The following AQR variants were observed in gnomAD, a reference collection of about 807,000 sequenced individuals.
AQR encodes the protein RNA helicase aquarius.
Under a neutral mutation model 180.5 loss-of-function variants are expected in AQR, and 61 were observed. The observed-to-expected ratio is 0.34, with a 90% CI of 0.28 to 0.42. The LOEUF (loss-of-function observed/expected upper bound fraction) is 0.42. AQR is among the 10% of genes least tolerant of loss of function. The pLI is 1.00. For missense variants in AQR, 1,281 were observed against 1,798.3 expected (o/e 0.71, Z 5.20); for synonymous variants, 551 against 588.8 (o/e 0.94, Z 0.93).
chr15:34,938,685 AG>A, intron 9 of AQR, 51 bp downstream of exon 9: 3 of 1,146,870 alleles, frequency 2.6e-6, no homozygotes, highest in Non-Finnish European at 3.9e-6. Context: ...TAAATACCAT[AG>A]GGGCAGCTAT....
intron 16 of AQR, among the ~76,000 whole-genome samples, chr15:34,912,289 T>G (rs549572496): frequency 7.9e-5 from 12 of 152,284 alleles, no homozygotes; most frequent in African/African-American, 2.9e-4. Context: ...AGCTTTTTAT[T>G]TCAGCTTGGA....
At chr15:34,861,892 G>A (rs1370303255) in intron 33 of AQR, among the ~76,000 whole-genome samples, 2 of 152,072 alleles carry the variant, frequency 1.3e-5, no homozygotes, top group Middle Eastern at 3.4e-3. Flanking sequence ...GAGGGAAGAC[G>A]TATACTGTGA....
chr15:34,873,067 T>C (rs1892842833), intron 30 of AQR, among the ~76,000 whole-genome samples: 1 of 152,100 alleles, frequency 6.6e-6, no homozygotes, highest in Non-Finnish European at 1.5e-5. Context: ...AATACAATGT[T>C]ATCATTCTTA....
At chr15:34,920,706 C>G (rs1893670338) in intron 13 of AQR, among the ~76,000 whole-genome samples, 1 of 152,194 alleles carries the variant, frequency 6.6e-6, no homozygotes, top group Non-Finnish European at 1.5e-5. Context: ...GGCCTGTAAT[C>G]TCAGCACTTT....
At chr15:34,920,783 T>C (rs561525364) in intron 13 of AQR, among the ~76,000 whole-genome samples, 1 of 152,048 alleles carries the variant, frequency 6.6e-6, no homozygotes, top group African/African-American at 2.4e-5. Context: ...ATGGTGAAAT[T>C]CCGTCTCTAC....
intron 2 of AQR, among the ~76,000 whole-genome samples, chr15:34,961,547 T>C (rs914139269): frequency 2.1e-5 from 3 of 145,620 alleles, no homozygotes; most frequent in African/African-American, 7.8e-5. Context: ...GAGGCGGAGG[T>C]TGCAGTGAGT....
chr15:34,968,289 G>A (rs997341942), intron 1 of AQR, among the ~76,000 whole-genome samples: 5 of 149,770 alleles, frequency 3.3e-5, no homozygotes, highest in Non-Finnish European at 5.9e-5. Context: ...GTCTCGCACT[G>A]TTGCCCAGGC....
intron 29 of AQR, chr15:34,874,453 A>G: frequency 2.0e-6 from 1 of 507,762 alleles, no homozygotes; most frequent in East Asian, 3.5e-5. Flanking sequence ...CCTTTAGATT[A>G]TAAGTTACTT....
At chr15:34,889,557 T>C (rs1483513446) in intron 24 of AQR, among the ~76,000 whole-genome samples, 1 of 152,222 alleles carries the variant, frequency 6.6e-6, no homozygotes, top group Non-Finnish European at 1.5e-5. Context: ...ATCCGACTTG[T>C]AAAGTTTTAG....
At chr15:34,867,937 T>C (rs1458489482) in intron 31 of AQR, 1 of 213,486 alleles carries the variant, frequency 4.7e-6, no homozygotes, top group Non-Finnish European at 9.2e-6. Flanking sequence ...GCTTATTAAC[T>C]GGTATCCCAG....
rs1463345457 is a variant in AQR at position 34,910,265 on chromosome 15, G to C, written c.1533C>G (p.Ala511=). The C allele has an allele frequency of 6.2e-7, 1 of 1,613,666 alleles. No homozygotes were observed. Among genetic ancestry groups the C allele is most frequent in the Non-Finnish European group, 8.5e-7 (1 of 1,179,920 alleles). The part of the protein sequence containing the change: ...GVVFGGWARM[A]QPIVAFTVVE... ...CGACAGTGAAAGCCACAATGGGCTG[G>C]GCCATTCGCGCCCAACCACCAAACA... The change falls in exon 17 of 35, where the codon GCC becomes GCG. Residue 511 remains alanine (A), a synonymous_variant. Coordinates refer to ENST00000156471, the MANE Select transcript of AQR (RefSeq NM_014691.3).
intron 12 of AQR, among the ~76,000 whole-genome samples, chr15:34,928,204 T>C (rs80152553): frequency 6.6e-6 from 1 of 152,278 alleles, no homozygotes. Flanking sequence ...TTTTTTTTTT[T>C]CACTTTTTAC....
chr15:34,922,477 C>T (rs998308199), intron 13 of AQR, among the ~76,000 whole-genome samples: 1 of 152,104 alleles, frequency 6.6e-6, no homozygotes, highest in Non-Finnish European at 1.5e-5. Context: ...ACTTTGAATT[C>T]CCACCAGCAA....
At chr15:34,930,580 C>G (rs950026535) in intron 11 of AQR, among the ~76,000 whole-genome samples, 3 of 152,162 alleles carry the variant, frequency 2.0e-5, no homozygotes, top group Non-Finnish European at 4.4e-5. Context: ...ATTGTTAAAT[C>G]TATTTCATAT....
chr15:34,944,407 G>T lies in AQR; in HGVS notation c.352C>A (p.His118Asn). ...ATGTGTTTAAAAAAGAATGGGAAGT[G>T]GTCTGGCTTCTTCTTAAAAATCTGA... is the stretch of plus-strand genomic sequence containing the variant. ...AWEIFKKKPDHFPFFFKHILK... is the reference protein window; with the variant it reads ...AWEIFKKKPDNFPFFFKHILK... Residue 118 changes from histidine to asparagine, a missense_variant, in exon 6 of 35, where the codon CAC becomes AAC. Physicochemically the swap from His to Asn is moderately conservative, Grantham distance 68 (BLOSUM62 1). Transcript: ENST00000156471. 1 of 1,597,600 alleles carries T rather than the reference G, an allele frequency of 6.3e-7. No individual in the cohort carries two copies. The highest frequency in any genetic ancestry group is 2.3e-5 in the East Asian group (1 of 44,212).
chr15:34,937,348 C>G (rs374025641), intron 9 of AQR, among the ~76,000 whole-genome samples: 26 of 152,248 alleles, frequency 1.7e-4, no homozygotes, highest in African/African-American at 5.8e-4. Context: ...TATACTAATG[C>G]TAGTAGTAGT....
chr15:34,909,275 A>C (rs553926351), intron 17 of AQR, among the ~76,000 whole-genome samples: 3 of 152,348 alleles, frequency 2.0e-5, no homozygotes, highest in Admixed American at 2.0e-4. Context: ...GGCTTTAAGT[A>C]AGACCTCTCA....
In AQR at chr15:34,910,023, G is replaced by A. The variant is rs1463833897; in HGVS notation, c.1663+112C>T. The A allele has an allele frequency of 1.5e-5, 18 of 1,237,642 alleles. No homozygotes were observed. The East Asian group carries it at 1.7e-4, about 11-fold the overall frequency. The allele number at this position is 1,237,642 out of a possible 1,614,324, so 76.7% of individuals were successfully genotyped here. ...CTTTAAATCAAATTTCAAGGATAAC[G>A]CTTAATAAAAGCTTTAAAGGATAAC... On this transcript the variant is annotated intron_variant, in intron 17 of 34. Coordinates refer to ENST00000156471, the MANE Select transcript of AQR (RefSeq NM_014691.3).
intron 10 of AQR, among the ~76,000 whole-genome samples, chr15:34,933,298 A>T (rs1893894976): frequency 6.6e-6 from 1 of 152,206 alleles, no homozygotes; most frequent in Non-Finnish European, 1.5e-5. Context: ...CAATATGCTA[A>T]TACTCATATC....
Sources: gnomAD v4.1 joint callset for allele counts (sites outside exome capture counted in the v4.1 genomes callset) on GRCh38, gnomAD v4.1.1 for gene constraint, MANE v1.5 for transcripts, NCBI Gene and HGNC (gene_info 2026-07-23, HGNC 2026-07-21) for gene names.